The following C6 variants were observed in gnomAD, a reference collection of about 807,000 sequenced individuals.
C6 encodes complement component C6.
A neutral mutation model predicts 112.9 loss-of-function variants in C6; 101 were observed. That is an observed-to-expected ratio of 0.89 (90% CI 0.76 to 1.06). The LOEUF (loss-of-function observed/expected upper bound fraction) is 1.06. C6 is among the 50% of genes least tolerant of loss of function. C6 has a pLI of 0.00. For missense variants in C6, 1,202 were observed against 1,104.6 expected (o/e 1.09, Z -1.25); for synonymous variants, 431 against 384.1 (o/e 1.12, Z -1.43).
chr5:41,200,888 G>GTT (rs1750967031), intron 3 of C6, among the ~76,000 whole-genome samples: 4 of 66,818 alleles, frequency 6.0e-5, no homozygotes, highest in East Asian at 1.1e-3. Flanking sequence ...TGTTGTTGTT[G>GTT]TTGTTTTTTT....
At chr5:41,164,354 A>G (rs997189854) in intron 9 of C6, among the ~76,000 whole-genome samples, 1 of 152,146 alleles carries the variant, frequency 6.6e-6, no homozygotes, top group Non-Finnish European at 1.5e-5. Context: ...CCCTAATATT[A>G]GGGAGACAAT....
At chr5:41,214,861 G>T (rs753324570), upstream of C6, among the ~76,000 whole-genome samples, 1 of 152,090 alleles carries the variant, frequency 6.6e-6, no homozygotes, top group Non-Finnish European at 1.5e-5. Flanking sequence ...TGTAATGTGG[G>T]CTATGAAGAG....
rs759921719 is a variant in C6 at position 41,142,820 on chromosome 5, T to A, written c.*5A>T. The A allele has an allele frequency of 6.2e-6, 10 of 1,609,986 alleles. No individual in the cohort carries two copies. Among genetic ancestry groups the A allele is most frequent in the Non-Finnish European group, 8.5e-6 (10 of 1,176,472 alleles). On this transcript the variant is annotated 3_prime_UTR_variant, in exon 18 of 18. Coordinates refer to ENST00000337836, the MANE Select transcript of C6 (RefSeq NM_000065.5). ...TTCATTGTGCTGGGCCTAGCAGTAATTGTGCTAGGCCAAACACTTTCCAGG... is the reference window on the plus strand; with the variant it reads ...TTCATTGTGCTGGGCCTAGCAGTAAATGTGCTAGGCCAAACACTTTCCAGG...
intron 9 of C6, among the ~76,000 whole-genome samples, chr5:41,162,815 T>C (rs1308978245): frequency 2.0e-5 from 3 of 152,130 alleles, no homozygotes; most frequent in Non-Finnish European, 2.9e-5. Flanking sequence ...GTCAAGTGCA[T>C]AACACAACAC....
In C6 at chr5:41,186,123, T is replaced by A. The variant is rs759895779; in HGVS notation, c.673A>T (p.Arg225Trp). 5.6e-6 allele frequency: 9 copies of A among 1,613,902 alleles called. No individual in the cohort carries two copies. The highest frequency in any genetic ancestry group is 7.6e-6 in the Non-Finnish European group (9 of 1,179,936). Reference sequence around the variant, plus strand: ...GGAACACGGTATGGATTACTTGTCCTACTGCTTTTGACAGTTTTACATATT... The same window carrying A: ...GGAACACGGTATGGATTACTTGTCCAACTGCTTTTGACAGTTTTACATATT... ...GGICKTVKSS[R>W]TSNPYRVPAN... The change falls in exon 6 of 18, where the codon AGG becomes TGG. Residue 225 changes from arginine to tryptophan, a missense_variant. Transcript: ENST00000337836.
intron 7 of C6, among the ~76,000 whole-genome samples, chr5:41,179,381 T>C (rs919294429): frequency 6.6e-6 from 1 of 152,124 alleles, no homozygotes. Context: ...CTATGTCTCA[T>C]ACAAACATGT....
At chr5:41,194,213 A>T (rs186572764) in intron 5 of C6, among the ~76,000 whole-genome samples, 246 of 152,284 alleles carry the variant, frequency 1.6e-3, no homozygotes, top group African/African-American at 5.5e-3. Context: ...CTGCACATGG[A>T]TAAGAATATG....
intron 1 of C6, among the ~76,000 whole-genome samples, chr5:41,208,973 T>C (rs1487605881): frequency 6.6e-6 from 1 of 152,140 alleles, no homozygotes; most frequent in Admixed American, 6.5e-5. Flanking sequence ...AAATCCTCAA[T>C]AAAATACTGG....
intron 1 of C6, among the ~76,000 whole-genome samples, chr5:41,207,102 C>A (rs1751498267): frequency 6.6e-6 from 1 of 152,126 alleles, no homozygotes; most frequent in Non-Finnish European, 1.5e-5. Context: ...ATTTTCAACC[C>A]AGAATTTCGT....
intron 5 of C6, among the ~76,000 whole-genome samples, chr5:41,191,954 T>C (rs1210143356): frequency 2.6e-5 from 4 of 152,250 alleles, no homozygotes; most frequent in African/African-American, 9.6e-5. Context: ...TGAATAACAG[T>C]GGTAAGAGCA....
In C6 at chr5:41,160,142, T is replaced by C. The variant is rs780330396; in HGVS notation, c.1684A>G (p.Asn562Asp). The C allele has an allele frequency of 1.9e-6, 3 of 1,606,316 alleles. No individual in the cohort carries two copies. The highest frequency in any genetic ancestry group is 1.1e-5 in the South Asian group (1 of 90,944). ...CTCACAATAGATTCCTGATACTTACTGGATTTATAATCTGGAGACTGTTTC... is the reference window on the plus strand; with the variant it reads ...CTCACAATAGATTCCTGATACTTACCGGATTTATAATCTGGAGACTGTTTC... ...CEKQSPDYKS[N>D]AVDGQWGCWS... The change falls in exon 11 of 18, where the codon AAT becomes GAT. Residue 562 changes from asparagine to aspartate, a missense_variant and splice_region_variant. Physicochemically the swap from Asn to Asp is conservative, Grantham distance 23. Transcript: ENST00000337836.
At position 41,171,423 on chromosome 5, in the gene C6, A is replaced by G. The variant is rs1003465629; in HGVS notation, c.1291+802T>C. Among the ~76,000 whole-genome samples the G allele has an allele frequency of 6.6e-5, 10 of 152,292 alleles. No homozygotes were observed. In the South Asian group the frequency reaches 2.1e-3, roughly 32 times the overall value. ...GTCTTCACAACAGTCCTACTGGGCT[A>G]TAATGTAAAGGCTATGCTATTAGAT... On this transcript the variant is annotated intron_variant, in intron 9 of 17. Transcript: ENST00000337836.
intron 1 of C6, among the ~76,000 whole-genome samples, chr5:41,254,403 CT>C (rs950051995): frequency 6.6e-6 from 1 of 151,874 alleles, no homozygotes; most frequent in African/African-American, 2.4e-5. Context: ...AAGACTCCAT[CT>C]CAAAAAAAGA....
intron 1 of C6, among the ~76,000 whole-genome samples, chr5:41,242,550 C>T (rs1045288697): frequency 1.3e-5 from 2 of 152,280 alleles, no homozygotes; most frequent in South Asian, 4.1e-4. Flanking sequence ...TTTTAGAATA[C>T]ATCTGAGTTT....
At chr5:41,226,743 T>C (rs1352646152) in intron 1 of C6, among the ~76,000 whole-genome samples, 3 of 152,042 alleles carry the variant, frequency 2.0e-5, no homozygotes, top group African/African-American at 7.2e-5. Flanking sequence ...TTATTTAGTG[T>C]AGTGTCCTCC....
At chr5:41,232,968 T>C (rs1740002454) in intron 1 of C6, among the ~76,000 whole-genome samples, 1 of 152,106 alleles carries the variant, frequency 6.6e-6, no homozygotes, top group African/African-American at 2.4e-5. Context: ...GCAGATATTT[T>C]ATATTTATAG....
chr5:41,218,328 T>C (rs1238903017), upstream of C6, among the ~76,000 whole-genome samples: 1 of 152,166 alleles, frequency 6.6e-6, no homozygotes, highest in African/African-American at 2.4e-5. Context: ...AAGGTTTTTA[T>C]TCACGAATTT....
chr5:41,252,519 T>C (rs571700853), intron 1 of C6, among the ~76,000 whole-genome samples: 1 of 152,294 alleles, frequency 6.6e-6, no homozygotes, highest in East Asian at 1.9e-4. Context: ...ATAGATAGCA[T>C]CTAATGACAG....
chr5:41,155,734 A>G (rs1016928377), intron 13 of C6, among the ~76,000 whole-genome samples: 1 of 152,038 alleles, frequency 6.6e-6, no homozygotes, highest in African/African-American at 2.4e-5. Flanking sequence ...GTCTCAAAAC[A>G]AAAACCAAAA....
Sources: allele counts gnomAD v4.1 joint callset (sites outside exome capture counted in the v4.1 genomes callset), GRCh38; gene constraint gnomAD v4.1.1; transcripts MANE v1.5; gene names NCBI Gene and HGNC (gene_info 2026-07-23, HGNC 2026-07-21).